FHOD3: variants seen among roughly 807,000 people sequenced by gnomAD.
FHOD3 encodes the protein FH1/FH2 domain-containing protein 3.
FHOD3 carries 90 observed loss-of-function variants against 173.0 expected under a neutral mutation model. The observed-to-expected ratio is 0.52, with a 90% CI of 0.44 to 0.62. FHOD3 has a LOEUF of 0.62. Among genes scored for constraint, FHOD3 ranks in the 20% least tolerant of loss-of-function variants. The pLI, the probability that FHOD3 is intolerant of heterozygous loss-of-function variation, is 0.00. For missense variants in FHOD3, 1,945 were observed against 2,034.7 expected, an observed-to-expected ratio of 0.96 and a Z score of 0.85; for synonymous variants, 828 against 823.0, an observed-to-expected ratio of 1.01 and a Z score of -0.10.
intron 14 of FHOD3, among the ~76,000 whole-genome samples, chr18:36,677,029 T>A (rs2037906978): frequency 6.6e-6 from 1 of 152,198 alleles, no homozygotes; most frequent in Non-Finnish European, 1.5e-5. Context: ...AATCTTTCCT[T>A]TTTGGTTGCT....
chr18:36,701,989 T>C (rs558255800), intron 17 of FHOD3, among the ~76,000 whole-genome samples: 2 of 152,316 alleles, frequency 1.3e-5, no homozygotes, highest in Admixed American at 1.3e-4. Context: ...GGCTTAACTT[T>C]TAAGGCATAA....
chr18:36,394,370 G>A (rs985159491), intron 3 of FHOD3, among the ~76,000 whole-genome samples: 1 of 152,120 alleles, frequency 6.6e-6, no homozygotes, highest in African/African-American at 2.4e-5. Context: ...TTTTGAGCAG[G>A]GGAGAATATT....
At chr18:36,503,567 G>A (rs1348297336) in intron 4 of FHOD3, among the ~76,000 whole-genome samples, 3 of 152,150 alleles carry the variant, frequency 2.0e-5, no homozygotes, top group Non-Finnish European at 4.4e-5. Flanking sequence ...AACAGCCATG[G>A]TTTTGAACCT....
intron 3 of FHOD3, among the ~76,000 whole-genome samples, chr18:36,494,420 C>T (rs928827860): frequency 6.6e-6 from 1 of 152,208 alleles, no homozygotes; most frequent in African/African-American, 2.4e-5. Flanking sequence ...AAATAATGTT[C>T]TGATTACACC....
intron 10 of FHOD3, among the ~76,000 whole-genome samples, chr18:36,641,094 G>A (rs1467978856): frequency 6.6e-6 from 1 of 152,104 alleles, no homozygotes; most frequent in Non-Finnish European, 1.5e-5. Flanking sequence ...CCTCTGTGCC[G>A]AACGCTGTGC....
At chr18:36,657,818 A>C (rs2036521275) in intron 13 of FHOD3, among the ~76,000 whole-genome samples, 1 of 152,208 alleles carries the variant, frequency 6.6e-6, no homozygotes, top group African/African-American at 2.4e-5. Context: ...AAAACAGGAA[A>C]TGTTAGGGTT....
chr18:36,549,195 A>C (rs1419211635), intron 5 of FHOD3, among the ~76,000 whole-genome samples: 1 of 152,078 alleles, frequency 6.6e-6, no homozygotes, highest in Non-Finnish European at 1.5e-5. Context: ...CATCTTTTTT[A>C]TGTGCTTATT....
At chr18:36,451,629 T>A (rs1420305619) in intron 3 of FHOD3, among the ~76,000 whole-genome samples, 1 of 152,164 alleles carries the variant, frequency 6.6e-6, no homozygotes, top group Non-Finnish European at 1.5e-5. Context: ...TCCTCCGGTG[T>A]CTTGGGTTCT....
intron 2 of FHOD3, among the ~76,000 whole-genome samples, chr18:36,359,183 G>C (rs529792117): frequency 1.2e-4 from 18 of 152,316 alleles, no homozygotes; most frequent in African/African-American, 4.3e-4. Flanking sequence ...ATCTAATGAA[G>C]ATGTATGAGT....
At chr18:36,510,008 G>A (rs1323216281) in intron 4 of FHOD3, among the ~76,000 whole-genome samples, 20 of 152,182 alleles carry the variant, frequency 1.3e-4, no homozygotes, top group Admixed American at 1.2e-3. Flanking sequence ...CACAGGCAGC[G>A]GTGCTGTCTG....
intron 3 of FHOD3, among the ~76,000 whole-genome samples, chr18:36,381,329 C>T (rs1361466032): frequency 1.3e-5 from 2 of 152,228 alleles, no homozygotes. Flanking sequence ...GCTGAAATTC[C>T]TTCTGAGCCA....
chr18:36,385,615 T>C (rs998688137), intron 3 of FHOD3, among the ~76,000 whole-genome samples: 2 of 152,226 alleles, frequency 1.3e-5, no homozygotes, highest in African/African-American at 4.8e-5. Flanking sequence ...CAGGCTAGAC[T>C]GGTCTCAAAC....
At chr18:36,566,906 C>A (rs773941773) in intron 5 of FHOD3, among the ~76,000 whole-genome samples, 3 of 152,112 alleles carry the variant, frequency 2.0e-5, no homozygotes, top group Non-Finnish European at 4.4e-5. Flanking sequence ...AAAATAAGAA[C>A]AATATTTCCC....
At chr18:36,773,643 C>A (rs1435536669) in intron 28 of FHOD3, among the ~76,000 whole-genome samples, 1 of 152,182 alleles carries the variant, frequency 6.6e-6, no homozygotes, top group Non-Finnish European at 1.5e-5. Flanking sequence ...CGCCACCTTT[C>A]TTCCCTTCCA....
At chr18:36,527,385 C>A (rs1024085912) in intron 5 of FHOD3, among the ~76,000 whole-genome samples, 10 of 152,206 alleles carry the variant, frequency 6.6e-5, no homozygotes, top group African/African-American at 2.4e-4. Flanking sequence ...CTCCAATCTG[C>A]CGTATCATGA....
chr18:36,574,387 A>G (rs1428962938), intron 5 of FHOD3, among the ~76,000 whole-genome samples: 2 of 152,130 alleles, frequency 1.3e-5, no homozygotes, highest in Non-Finnish European at 2.9e-5. Flanking sequence ...TGCTATTATA[A>G]ACAAGTTTGT....
intron 18 of FHOD3, among the ~76,000 whole-genome samples, chr18:36,717,239 G>C (rs2040508195): frequency 6.6e-6 from 1 of 152,148 alleles, no homozygotes; most frequent in African/African-American, 2.4e-5. Context: ...GGAGGTTAGA[G>C]AAGAGAGGGC....
chr18:36,411,058 T>G (rs1324629095), intron 3 of FHOD3, among the ~76,000 whole-genome samples: 2 of 152,198 alleles, frequency 1.3e-5, no homozygotes, highest in Admixed American at 1.3e-4. Context: ...CTTGTAATTT[T>G]AGTTTTATAT....
At chr18:36,758,949 GGGTGGGGCCTGGCAGCTCCC>G (rs1275740072) in intron 25 of FHOD3, among the ~76,000 whole-genome samples, 149 bp from the exon 26 acceptor site, 2 of 152,324 alleles carry the variant, frequency 1.3e-5, no homozygotes, top group Admixed American at 1.3e-4. Flanking sequence ...GAGGACAAGA[GGGTGGGGCCTGGCAGCTCCC>G]AACTCAAGAG....
Sources: gnomAD v4.1 joint callset for allele counts (sites outside exome capture counted in the v4.1 genomes callset) on GRCh38, gnomAD v4.1.1 for gene constraint, MANE v1.5 for transcripts, NCBI Gene and HGNC (gene_info 2026-07-23, HGNC 2026-07-21) for gene names.